Variants in NRXN3 observed in about 807,000 individuals in gnomAD.
The protein encoded by NRXN3 is neurexin 3.
Under a neutral mutation model 137.6 loss-of-function variants are expected in NRXN3, and 32 were observed. That is an observed-to-expected ratio of 0.23 (90% CI 0.18 to 0.31). The LOEUF (loss-of-function observed/expected upper bound fraction) is 0.31. Among genes scored for constraint, NRXN3 ranks in the 10% least tolerant of loss-of-function variants. The probability of loss-of-function intolerance (pLI) is 1.00; values close to 1 mark genes in which losing one functional copy is unlikely to be tolerated. For missense variants in NRXN3, 1,574 were observed against 2,062.5 expected, an observed-to-expected ratio of 0.76 and a Z score of 4.59; for synonymous variants, 798 against 784.5, an observed-to-expected ratio of 1.02 and a Z score of -0.29.
chr14:79,744,449 C>T (rs947859544), intron 19 of NRXN3, among the ~76,000 whole-genome samples: 2 of 152,202 alleles, frequency 1.3e-5, no homozygotes, highest in African/African-American at 4.8e-5. Flanking sequence ...TCACATCACA[C>T]TTGTGACTCC....
intron 15 of NRXN3, among the ~76,000 whole-genome samples, chr14:79,001,064 G>A (rs573897728): frequency 6.0e-4 from 92 of 152,156 alleles, no homozygotes; most frequent in African/African-American, 1.9e-3. Context: ...GGTTTCCTAG[G>A]TAATATTTGA....
At chr14:78,633,193 T>G (rs2097537033) in intron 4 of NRXN3, among the ~76,000 whole-genome samples, 1 of 137,654 alleles carries the variant, frequency 7.3e-6, no homozygotes, top group African/African-American at 2.9e-5. Context: ...AGGCAGAGCT[T>G]GCAGTGAGCC....
chr14:78,817,105 C>T (rs2098936070), intron 10 of NRXN3, among the ~76,000 whole-genome samples: 1 of 152,102 alleles, frequency 6.6e-6, no homozygotes, highest in Non-Finnish European at 1.5e-5. Flanking sequence ...TATTATTGAT[C>T]TGTGTTGGGA....
chr14:79,651,609 G>A (rs538020660), intron 16 of NRXN3, among the ~76,000 whole-genome samples: 1 of 152,192 alleles, frequency 6.6e-6, no homozygotes, highest in South Asian at 2.1e-4. Context: ...TTATTGAATA[G>A]ATAATGGAGA....
At chr14:78,826,980 A>G (rs2098968443) in intron 10 of NRXN3, among the ~76,000 whole-genome samples, 1 of 152,174 alleles carries the variant, frequency 6.6e-6, no homozygotes, top group Admixed American at 6.5e-5. Flanking sequence ...TGCTAGTAAA[A>G]ATAAGTTCTC....
At chr14:78,395,173 A>G (rs1274202606) in intron 4 of NRXN3, among the ~76,000 whole-genome samples, 1 of 151,610 alleles carries the variant, frequency 6.6e-6, no homozygotes, top group African/African-American at 2.4e-5. Context: ...TTTCTAATAT[A>G]TGCAGTTAGT....
At chr14:78,731,442 G>A (rs145529026) in intron 8 of NRXN3, among the ~76,000 whole-genome samples, 2,014 of 151,916 alleles carry the variant, frequency 0.013, 23 homozygotes, top group Non-Finnish European at 0.02. Flanking sequence ...TTCTTTGGCC[G>A]ACATTAACTG....
rs544777385 is a variant in NRXN3 at position 78,788,507 on chromosome 14, G to C, written c.2045-15113G>C. ...TGAAAAATACTCATGGAAGATGAAA[G>C]GAAAGGATGAGAATGAGATCTGGGT... On this transcript the variant is annotated intron_variant, in intron 8 of 20. Coordinates refer to ENST00000335750, the MANE Select transcript of NRXN3 (RefSeq NM_001330195.2). Among the ~76,000 whole-genome samples, 5 of 152,222 alleles carry C rather than the reference G, an allele frequency of 3.3e-5. No homozygotes were observed. In the South Asian group the frequency reaches 8.3e-4, roughly 25 times the overall value.
chr14:79,198,679 G>C (rs534428524), intron 15 of NRXN3, among the ~76,000 whole-genome samples: 1 of 152,312 alleles, frequency 6.6e-6, no homozygotes, highest in South Asian at 2.1e-4. Flanking sequence ...ATTCAACTAG[G>C]TCAGTGGAAT....
rs1023126579 is a variant in NRXN3 at position 78,866,872 on chromosome 14, G to A, written c.2275+56528G>A. On this transcript the variant is annotated intron_variant, in intron 10 of 20. Coordinates refer to ENST00000335750, the MANE Select transcript of NRXN3 (RefSeq NM_001330195.2). Reference sequence around the variant, plus strand: ...GAGTACAGTGGCACGGTCTCGGCTCGTTGTAACCTCCGCCTCCCAGGTTCA... The same window carrying A: ...GAGTACAGTGGCACGGTCTCGGCTCATTGTAACCTCCGCCTCCCAGGTTCA... 3.4e-4 allele frequency among the ~76,000 whole-genome samples: 48 copies of A among 141,578 alleles called. 1 individual carries two copies. Among genetic ancestry groups the A allele is most frequent in the Middle Eastern group, 4.0e-3 (1 of 248 alleles). 92.9% of individuals were successfully genotyped at this position (141,578 alleles called of 152,430 possible).
rs923213672 is a variant in NRXN3, at chr14:79,863,153, T to C, written c.*1189T>C. 2 of 152,586 alleles carry C rather than the reference T, an allele frequency of 1.3e-5. No homozygotes were observed. Among genetic ancestry groups the C allele is most frequent in the African/African-American group, 4.8e-5 (2 of 41,440 alleles). The allele number at this position is 152,586 out of a possible 1,614,324, so 9.5% of individuals were successfully genotyped here. ...CACATAGTTCTTTCCCCGCCCCGAATGTGACAATGGTTTTCATAGTGGTTT... is the reference window on the plus strand; with the variant it reads ...CACATAGTTCTTTCCCCGCCCCGAACGTGACAATGGTTTTCATAGTGGTTT... On this transcript the variant is annotated 3_prime_UTR_variant, in exon 21 of 21. Coordinates refer to ENST00000335750, the MANE Select transcript of NRXN3 (RefSeq NM_001330195.2).
Position 79,559,897 on chromosome 14 carries a change from G to A in NRXN3, c.3444+92495G>A, listed in dbSNP as rs944292240. Reference sequence around the variant, plus strand: ...AGTGTACATGCTAGGGACTTCCAGGGCAGCTTGCATCCCTGAGGACGGGAC... The same window carrying A: ...AGTGTACATGCTAGGGACTTCCAGGACAGCTTGCATCCCTGAGGACGGGAC... On this transcript the variant is annotated intron_variant, in intron 16 of 20. Transcript: ENST00000335750. Among the ~76,000 whole-genome samples the A allele has an allele frequency of 2.0e-5, 3 of 152,096 alleles. No individual in the cohort carries two copies. In the South Asian group the frequency reaches 6.2e-4, roughly 32 times the overall value.
rs554380996 is a variant in NRXN3 at position 79,297,789 on chromosome 14, C to T, written c.3263-169432C>T. Among the ~76,000 whole-genome samples the T allele has an allele frequency of 1.3e-4, 20 of 152,040 alleles. No homozygotes were observed. The East Asian group carries it at 2.1e-3, about 16-fold the overall frequency. On this transcript the variant is annotated intron_variant, in intron 15 of 20. Coordinates refer to ENST00000335750, the MANE Select transcript of NRXN3 (RefSeq NM_001330195.2). ...GTTATTGGGTAGCAACCCAGCACTG[C>T]GAGGAAGAGGCCAAAGGGCCATTTC...
intron 10 of NRXN3, among the ~76,000 whole-genome samples, chr14:78,818,910 C>T (rs1211115519): frequency 6.6e-6 from 1 of 152,106 alleles, no homozygotes; most frequent in Non-Finnish European, 1.5e-5. Flanking sequence ...CTCTAAAATC[C>T]AGATGAGTCT....
chr14:78,560,711 C>T (rs1279002682), intron 4 of NRXN3, among the ~76,000 whole-genome samples: 2 of 152,170 alleles, frequency 1.3e-5, no homozygotes, highest in Admixed American at 1.3e-4. Flanking sequence ...TATTGGAATG[C>T]AGGCAGGTCT....
At chr14:78,790,187 T>C (rs2098800996) in intron 8 of NRXN3, among the ~76,000 whole-genome samples, 1 of 152,242 alleles carries the variant, frequency 6.6e-6, no homozygotes, top group Non-Finnish European at 1.5e-5. Context: ...ATTGAAATTC[T>C]ATTAGAAGGT....
At chr14:79,618,259 G>C (rs2153892615) in intron 16 of NRXN3, among the ~76,000 whole-genome samples, 1 of 152,134 alleles carries the variant, frequency 6.6e-6, no homozygotes, top group African/African-American at 2.4e-5. Flanking sequence ...GATAGATTGT[G>C]TGCCACTGAA....
chr14:79,580,790 AAAAC>A (rs762826572), intron 16 of NRXN3, among the ~76,000 whole-genome samples: 3 of 152,176 alleles, frequency 2.0e-5, no homozygotes, highest in Non-Finnish European at 2.9e-5. Context: ...AAAGAAAACA[AAAAC>A]AAACAGGAGT....
At chr14:79,204,070 C>G (rs894452502) in intron 15 of NRXN3, among the ~76,000 whole-genome samples, 4 of 152,090 alleles carry the variant, frequency 2.6e-5, no homozygotes, top group Non-Finnish European at 5.9e-5. Flanking sequence ...CCAGTGCCAA[C>G]ATCCCCCTGT....
Sources: gnomAD v4.1 joint callset for allele counts (sites outside exome capture counted in the v4.1 genomes callset) on GRCh38, gnomAD v4.1.1 for gene constraint, MANE v1.5 for transcripts, NCBI Gene and HGNC (gene_info 2026-07-23, HGNC 2026-07-21) for gene names.